The following SP1 variants were observed in gnomAD, a reference collection of about 807,000 sequenced individuals.
SP1 encodes the protein Sp1 transcription factor.
Under a neutral mutation model 66.3 loss-of-function variants are expected in SP1, and 6 were observed. The observed-to-expected ratio is 0.09, with a 90% CI of 0.05 to 0.18. SP1 has a LOEUF of 0.18. SP1 is among the 10% of genes least tolerant of loss of function. The pLI is 1.00. For missense variants in SP1, 848 were observed against 964.5 expected (o/e 0.88, Z 1.60); for synonymous variants, 417 against 360.8 (o/e 1.16, Z -1.77).
chr12:53,380,714 C>T (rs1033763231), intron 1 of SP1: 2 of 969,170 alleles, frequency 2.1e-6, no homozygotes, highest in Non-Finnish European at 2.5e-6. Flanking sequence ...CCCTCCTCCC[C>T]CCACTTTCCG....
At chr12:53,393,932 G>A (rs1938411233) in intron 3 of SP1, among the ~76,000 whole-genome samples, 1 of 151,840 alleles carries the variant, frequency 6.6e-6, no homozygotes, top group African/African-American at 2.4e-5. Flanking sequence ...ACCAGAAGGT[G>A]GGCCAGGTGT....
At position 53,380,251 on chromosome 12, in the gene SP1, C is replaced by G; in HGVS notation, c.-41C>G. ...GTTTTTCCCGGCCCCCCCCAACCCC[C>G]CCGGACAGGACCCCCTTGAGCTTGT... On this transcript the variant is annotated 5_prime_UTR_variant, in exon 1 of 6. Transcript: ENST00000327443. 6.7e-7 allele frequency: 1 copy of G among 1,500,426 alleles called. No individual in the cohort carries two copies. Among genetic ancestry groups the G allele is most frequent in the Non-Finnish European group, 9.3e-7 (1 of 1,079,298 alleles). 92.9% of individuals were successfully genotyped at this position (1,500,426 alleles called of 1,614,324 possible).
chr12:53,386,096 T>C (rs926296475), intron 3 of SP1, among the ~76,000 whole-genome samples: 1 of 152,192 alleles, frequency 6.6e-6, no homozygotes, highest in African/African-American at 2.4e-5. Context: ...GTGTGCTGGT[T>C]AATCAGGATT....
intron 5 of SP1, among the ~76,000 whole-genome samples, chr12:53,410,328 A>G (rs116175753): frequency 0.012 from 1,765 of 152,030 alleles, 34 homozygotes; most frequent in African/African-American, 0.039. Flanking sequence ...AAAATAAAAT[A>G]AGGAGCTAGA....
intron 3 of SP1, among the ~76,000 whole-genome samples, chr12:53,384,339 C>G: frequency 6.6e-6 from 1 of 151,160 alleles, no homozygotes; most frequent in African/African-American, 2.4e-5. Flanking sequence ...GGCTGGAGTG[C>G]AGTGGCGTGA....
At position 53,380,219 on chromosome 12, in the gene SP1, C is replaced by T. The variant is rs1403355882; in HGVS notation, c.-73C>T. ...GGTCCGGGTTCGCTTGCCTCGTCAG[C>T]GTCCGCGTTTTTCCCGGCCCCCCCC... On this transcript the variant is annotated 5_prime_UTR_variant, in exon 1 of 6. Transcript: ENST00000327443. The T allele has an allele frequency of 2.3e-5, 27 of 1,172,492 alleles. No individual in the cohort carries two copies. In the Admixed American group the frequency reaches 2.6e-4, roughly 11 times the overall value. The allele number at this position is 1,172,492 out of a possible 1,614,324, so 72.6% of individuals were successfully genotyped here. A position where few individuals can be genotyped will look rare whatever the true frequency, so the allele number is the denominator to read the frequency against.
chr12:53,388,191 T>C (rs1938271492), intron 3 of SP1, among the ~76,000 whole-genome samples: 1 of 152,206 alleles, frequency 6.6e-6, no homozygotes, highest in Admixed American at 6.5e-5. Context: ...GTTTATTTTC[T>C]ATTTGCTCTT....
rs1938953923 is a variant in SP1 at position 53,414,336 on chromosome 12, G to A, written c.*3096G>A. On this transcript the variant is annotated 3_prime_UTR_variant, in exon 6 of 6. Coordinates refer to ENST00000327443, the MANE Select transcript of SP1 (RefSeq NM_138473.3). Reference sequence around the variant, plus strand: ...ATATTCATTTACATGTCATTTGACTGTCTCACTTTTTACCCAGAACAGTAA... The same window carrying A: ...ATATTCATTTACATGTCATTTGACTATCTCACTTTTTACCCAGAACAGTAA... The A allele has an allele frequency of 6.6e-6, 1 of 152,554 alleles. No homozygotes were observed. The highest frequency in any genetic ancestry group is 1.5e-5 in the Non-Finnish European group (1 of 68,016). The allele number at this position is 152,554 out of a possible 1,614,324, so 9.5% of individuals were successfully genotyped here. A position where few individuals can be genotyped will look rare whatever the true frequency, so the allele number is the denominator to read the frequency against.
intron 3 of SP1, among the ~76,000 whole-genome samples, chr12:53,402,935 T>C (rs1938640383): frequency 1.3e-5 from 2 of 149,786 alleles, no homozygotes; most frequent in Admixed American, 6.7e-5. Context: ...GTCGTGCCAC[T>C]GCACTCCAGC....
At chr12:53,386,996 G>A (rs1404920658) in intron 3 of SP1, among the ~76,000 whole-genome samples, 3 of 148,794 alleles carry the variant, frequency 2.0e-5, no homozygotes, top group Admixed American at 6.7e-5. Flanking sequence ...TGTCTCCCAG[G>A]CTGGAGTGCA....
intron 2 of SP1, 103 bp downstream of exon 2, chr12:53,381,916 A>C: frequency 1.5e-6 from 2 of 1,336,096 alleles, no homozygotes; most frequent in East Asian, 4.6e-5. Context: ...AGACTAAACC[A>C]TTTTATAGAT....
intron 1 of SP1, 120 bp downstream of exon 1, chr12:53,380,418 C>G: frequency 1.1e-6 from 1 of 899,878 alleles, no homozygotes; most frequent in Non-Finnish European, 1.5e-6. Flanking sequence ...GCGGCGGCGG[C>G]CTAGGTCCCG....
chr12:53,406,454 TCAAAA>T, intron 3 of SP1, 126 bp from the exon 4 acceptor site: 1 of 733,264 alleles, frequency 1.4e-6, no homozygotes, highest in Non-Finnish European at 2.2e-6. Context: ...TAAAAAGGCT[TCAAAA>T]CTTGTGATAC....
chr12:53,391,174 GT>G (rs1398965043), intron 3 of SP1, among the ~76,000 whole-genome samples: 144 of 152,116 alleles, frequency 9.5e-4, no homozygotes, highest in African/African-American at 3.4e-3. Flanking sequence ...TGTTACAATA[GT>G]ATTATTATCC....
intron 3 of SP1, among the ~76,000 whole-genome samples, chr12:53,402,644 G>C (rs1255135217): frequency 6.6e-6 from 1 of 150,660 alleles, no homozygotes; most frequent in Non-Finnish European, 1.5e-5. Context: ...TTTGAGACCA[G>C]CCTGGCCAAA....
chr12:53,401,894 C>T (rs1182687844), intron 3 of SP1, among the ~76,000 whole-genome samples: 1 of 152,120 alleles, frequency 6.6e-6, no homozygotes. Context: ...GCCTGGAACT[C>T]CTGGCCTCAA....
intron 3 of SP1, among the ~76,000 whole-genome samples, chr12:53,399,429 G>C (rs1938559423): frequency 6.6e-6 from 1 of 151,894 alleles, no homozygotes; most frequent in Non-Finnish European, 1.5e-5. Context: ...CGCCTCGCGA[G>C]TTCACGCCAT....
At chr12:53,399,242 T>C (rs555601319) in intron 3 of SP1, among the ~76,000 whole-genome samples, 1 of 152,332 alleles carries the variant, frequency 6.6e-6, no homozygotes, top group African/African-American at 2.4e-5. Flanking sequence ...TTAAACTTTT[T>C]TGTTTTTTGT....
Position 53,382,932 on chromosome 12 carries a change from A to C in SP1, c.985A>C (p.Thr329Pro). The change falls in exon 3 of 6, where the codon ACT (threonine) becomes CCT (proline). Residue 329 changes from threonine (T) to proline (P), a missense_variant. This residue lies in a region of SP1 where 606 missense variants were observed against 589.9 expected (regional missense o/e 1.03). Transcript: ENST00000327443. ...SFFTNANSYS[T>P]TTTTSNMGIM... Reference sequence around the variant, plus strand: ...TTTCACCAATGCCAATAGCTACTCAACTACTACTACCACCAGCAACATGGG... The same window carrying C: ...TTTCACCAATGCCAATAGCTACTCACCTACTACTACCACCAGCAACATGGG... The C allele has an allele frequency of 1.2e-6, 2 of 1,614,062 alleles. No homozygotes were observed. The highest frequency in any genetic ancestry group is 1.7e-6 in the Non-Finnish European group (2 of 1,179,952).
Sources: gnomAD v4.1 joint callset for allele counts (sites outside exome capture counted in the v4.1 genomes callset) on GRCh38, gnomAD v4.1.1 for gene constraint, gnomAD v4.1.1 regional missense constraint, MANE v1.5 for transcripts, NCBI Gene and HGNC (gene_info 2026-07-23, HGNC 2026-07-21) for gene names.